UGGT2: variants seen among roughly 807,000 people sequenced by gnomAD.
UGGT2 encodes UDP-glucose:glycoprotein glucosyltransferase 2.
In UGGT2, 180 loss-of-function variants were observed where a neutral mutation model predicts 192.1. The ratio of observed to expected loss-of-function variants is 0.94; its 90% CI spans 0.83 to 1.06. The LOEUF (loss-of-function observed/expected upper bound fraction) is 1.06. Ranked by LOEUF, UGGT2 falls within the 50% of genes least tolerant of loss-of-function variation. The pLI is 0.00. For synonymous variants in UGGT2, 580 were observed against 591.0 expected, an observed-to-expected ratio of 0.98 and a Z score of 0.27; for missense variants, 1,849 against 1,795.7, an observed-to-expected ratio of 1.03 and a Z score of -0.54.
intron 30 of UGGT2, among the ~76,000 whole-genome samples, chr13:95,866,064 T>C (rs1890627934): frequency 2.0e-5 from 3 of 152,094 alleles, no homozygotes; most frequent in Admixed American, 2.0e-4. Context: ...AATGCTCTCT[T>C]CTATATTTTC....
chr13:96,042,014 T>C (rs553816488), intron 1 of UGGT2, among the ~76,000 whole-genome samples: 1 of 152,212 alleles, frequency 6.6e-6, no homozygotes, highest in Non-Finnish European at 1.5e-5. Context: ...CTCCCCATAC[T>C]ACCACAGCTG....
At chr13:95,926,793 A>C (rs544076254) in intron 19 of UGGT2, among the ~76,000 whole-genome samples, 15 of 152,254 alleles carry the variant, frequency 9.9e-5, no homozygotes, top group African/African-American at 3.1e-4. Flanking sequence ...TTCTTTTCTT[A>C]AAAAGGTGAA....
intron 17 of UGGT2, among the ~76,000 whole-genome samples, chr13:95,931,909 C>T (rs1202617328): frequency 6.6e-6 from 1 of 152,186 alleles, no homozygotes; most frequent in Non-Finnish European, 1.5e-5. Context: ...GGCTGAAGGG[C>T]TCCTCGAGCA....
intron 10 of UGGT2, 63 bp downstream of exon 10, chr13:95,983,741 A>C (rs1366653907): frequency 8.2e-7 from 1 of 1,219,100 alleles, no homozygotes; most frequent in African/African-American, 1.5e-5. Flanking sequence ...AATATTGAAG[A>C]TCCAAAGTCA....
intron 15 of UGGT2, among the ~76,000 whole-genome samples, chr13:95,942,549 A>G (rs577055428): frequency 7.2e-5 from 11 of 152,292 alleles, no homozygotes; most frequent in African/African-American, 9.6e-5. Context: ...TAATGGTAAT[A>G]AATATTTACC....
intron 2 of UGGT2, 21 bp downstream of exon 2, chr13:96,031,868 T>A: frequency 6.4e-7 from 1 of 1,566,860 alleles, no homozygotes; most frequent in Admixed American, 1.8e-5. Context: ...TCTTACAAGT[T>A]AAAATTTACA....
intron 12 of UGGT2, among the ~76,000 whole-genome samples, chr13:95,960,446 CAAG>C (rs1277130624): frequency 5.3e-5 from 8 of 151,666 alleles, no homozygotes; most frequent in African/African-American, 1.9e-4. Context: ...TGGACTAAAT[CAAG>C]TAGAATCAAG....
chr13:95,880,714 T>C (rs2047467916), intron 27 of UGGT2, among the ~76,000 whole-genome samples: 1 of 152,224 alleles, frequency 6.6e-6, no homozygotes, highest in African/African-American at 2.4e-5. Context: ...TGACAGTGCT[T>C]GTGTTCAAGG....
At chr13:95,831,833 T>C (rs1886727704) in intron 38 of UGGT2, among the ~76,000 whole-genome samples, 1 of 151,998 alleles carries the variant, frequency 6.6e-6, no homozygotes, top group Admixed American at 6.6e-5. Flanking sequence ...TAATTTTCCT[T>C]TCTTCCTTCT....
intron 38 of UGGT2, among the ~76,000 whole-genome samples, chr13:95,813,259 A>G (rs1298168944): frequency 4.6e-5 from 7 of 152,154 alleles, no homozygotes; most frequent in Admixed American, 4.6e-4. Context: ...AGATTGGTTA[A>G]TGGTCGTGAC....
At chr13:95,935,078 A>G (rs1194649178) in intron 17 of UGGT2, among the ~76,000 whole-genome samples, 2 of 152,192 alleles carry the variant, frequency 1.3e-5, no homozygotes, top group Non-Finnish European at 2.9e-5. Context: ...TTTGCATGAT[A>G]ATTCTCAAAC....
chr13:95,982,419 A>T (rs1264243951), intron 10 of UGGT2, among the ~76,000 whole-genome samples: 3 of 152,150 alleles, frequency 2.0e-5, no homozygotes, highest in African/African-American at 7.2e-5. Context: ...TTTCCAGTCC[A>T]CATGTACAGT....
At chr13:96,023,230 G>T in intron 3 of UGGT2, 78 bp from the exon 4 acceptor site, 1 of 1,208,284 alleles carries the variant, frequency 8.3e-7, no homozygotes, top group South Asian at 2.2e-5. Flanking sequence ...ACATTACTTT[G>T]ATTAAAATAA....
At chr13:95,935,417 C>T (rs1157132822) in intron 17 of UGGT2, among the ~76,000 whole-genome samples, 4 of 152,168 alleles carry the variant, frequency 2.6e-5, no homozygotes, top group African/African-American at 9.7e-5. Context: ...ACTTCTCATT[C>T]ACTTATGAAG....
At chr13:95,930,334 C>T (rs1374540403) in intron 17 of UGGT2, among the ~76,000 whole-genome samples, 1 of 152,146 alleles carries the variant, frequency 6.6e-6, no homozygotes, top group Non-Finnish European at 1.5e-5. Flanking sequence ...GCCATAAATT[C>T]TTTCCCAAGA....
At chr13:96,052,479 A>G (rs1251212709) in intron 1 of UGGT2, among the ~76,000 whole-genome samples, 1 of 152,202 alleles carries the variant, frequency 6.6e-6, no homozygotes, top group Non-Finnish European at 1.5e-5. Context: ...AATGAAAAAA[A>G]AAAAGAACTT....
chr13:95,971,836 T>C (rs1362323609), intron 11 of UGGT2, among the ~76,000 whole-genome samples: 2 of 152,186 alleles, frequency 1.3e-5, no homozygotes, highest in Admixed American at 1.3e-4. Flanking sequence ...TTCTCAGTCT[T>C]TCCAATATAT....
intron 21 of UGGT2, 150 bp from the exon 22 acceptor site, chr13:95,901,088 A>G: frequency 1.7e-6 from 1 of 597,308 alleles, no homozygotes; most frequent in South Asian, 6.0e-5. Context: ...AACATTTTTA[A>G]AAAAAGAATT....
At chr13:95,809,383 A>G (rs1884469994) in intron 38 of UGGT2, 2 of 404,702 alleles carry the variant, frequency 4.9e-6, no homozygotes, top group Non-Finnish European at 9.7e-6. Flanking sequence ...CATTTTCTGC[A>G]GGCAAATCTT....
Sources: allele counts gnomAD v4.1 joint callset (sites outside exome capture counted in the v4.1 genomes callset), GRCh38; gene constraint gnomAD v4.1.1; transcripts MANE v1.5; gene names NCBI Gene and HGNC (gene_info 2026-07-23, HGNC 2026-07-21).